DMD: variants seen among roughly 807,000 people sequenced by gnomAD.
The protein encoded by DMD is dystrophin.
DMD carries 63 observed loss-of-function variants against 330.1 expected under a neutral mutation model. That is an observed-to-expected ratio of 0.19 (90% CI 0.16 to 0.24). The LOEUF (loss-of-function observed/expected upper bound fraction) is 0.24, where lower values mean the gene tolerates loss of function less well. Ranked by LOEUF, DMD falls within the 10% of genes least tolerant of loss-of-function variation. The pLI is 1.00. For synonymous variants in DMD, 1,223 were observed against 959.8 expected (o/e 1.27, Z -5.07); for missense variants, 3,344 against 2,684.1 (o/e 1.25, Z -5.43).
intron 7 of DMD, among the ~76,000 whole-genome samples, chrX:32,744,139 C>T (rs192478617): frequency 9.1e-6 from 1 of 110,483 alleles, no homozygotes. Flanking sequence ...TACTTACAAG[C>T]TATTTCTGAA....
At chrX:31,627,913 A>AC (rs2078932254) in intron 54 of DMD, 51 bp from the exon 55 acceptor site, 1 of 1,093,007 alleles carries the variant, frequency 9.1e-7, no homozygotes, top group Admixed American at 2.4e-5. Context: ...AGAATGGTGC[A>AC]CCTAGTGAAC....
intron 9 of DMD, among the ~76,000 whole-genome samples, chrX:32,670,513 T>C (rs2061567540): frequency 9.0e-6 from 1 of 111,563 alleles, no homozygotes; most frequent in Non-Finnish European, 1.9e-5. Flanking sequence ...GTGGGAAGCT[T>C]GATTGGTGGT....
Position 32,864,655 on chromosome X carries a change from C to T in DMD, c.94-14835G>A, listed in dbSNP as rs187427822. On this transcript the variant is annotated intron_variant, in intron 2 of 78. Transcript: ENST00000357033. Reference sequence around the variant, plus strand: ...AAATTCCTATTGTTATATCATTTGACATCGGGGGTTTCATTAACTCCTCAG... The same window carrying T: ...AAATTCCTATTGTTATATCATTTGATATCGGGGGTTTCATTAACTCCTCAG... Among the ~76,000 whole-genome samples the T allele has an allele frequency of 5.5e-3, 617 of 111,343 alleles. 6 individuals are homozygous for T. The highest frequency in any genetic ancestry group is 0.019 in the African/African-American group (594 of 30,605).
chrX:32,148,894 T>C (rs2096791183), intron 44 of DMD, among the ~76,000 whole-genome samples: 1 of 111,843 alleles, frequency 8.9e-6, no homozygotes, highest in Admixed American at 9.5e-5. Context: ...TGCAGCAATT[T>C]TACCATTGCT....
At chrX:32,863,479 C>A (rs2149096112) in intron 2 of DMD, among the ~76,000 whole-genome samples, 2 of 95,061 alleles carry the variant, frequency 2.1e-5, no homozygotes, top group Non-Finnish European at 4.0e-5. Context: ...CACTGCACTC[C>A]AGCCTGGGTG....
intron 59 of DMD, among the ~76,000 whole-genome samples, chrX:31,467,071 C>T (rs193128700): frequency 3.6e-5 from 4 of 111,876 alleles, no homozygotes; most frequent in East Asian, 5.6e-4. Flanking sequence ...TGGGTTGAGA[C>T]GATGGGGTTT....
Position 32,151,936 on chromosome X carries a change from T to A in DMD, c.6438+64980A>T, listed in dbSNP as rs369688231. 4.2e-4 allele frequency among the ~76,000 whole-genome samples: 47 copies of A among 112,106 alleles called. 4 individuals are homozygous for A. The highest frequency in any genetic ancestry group is 3.5e-3 in the Admixed American group (37 of 10,513). On this transcript the variant is annotated intron_variant, in intron 44 of 78. Coordinates refer to ENST00000357033, the MANE Select transcript of DMD (RefSeq NM_004006.3). The stretch of plus-strand genomic sequence containing the variant: ...AATTCTATACTGACATAGTATCTAA[T>A]AACTGCTTCTTTATATCTTGGAGAT...
At chrX:32,011,467 C>A (rs1188934604) in intron 44 of DMD, among the ~76,000 whole-genome samples, 1 of 112,013 alleles carries the variant, frequency 8.9e-6, no homozygotes, top group African/African-American at 3.2e-5. Flanking sequence ...TGCCAATGGA[C>A]TTCTCTGGAT....
Position 32,417,539 on chromosome X carries a change from G to C in DMD, c.4072-5626C>G, listed in dbSNP as rs181289278. Among the ~76,000 whole-genome samples the C allele has an allele frequency of 6.3e-5, 7 of 110,999 alleles. No individual in the cohort carries two copies. The East Asian group carries it at 1.7e-3, about 27-fold the overall frequency. On this transcript the variant is annotated intron_variant, in intron 29 of 78. Coordinates refer to ENST00000357033, the MANE Select transcript of DMD (RefSeq NM_004006.3). Reference sequence around the variant, plus strand: ...TACTTGATAGGTAAAAAATGAATGAGAAATGATACAGTGAAGAAGGGGGGC... The same window carrying C: ...TACTTGATAGGTAAAAAATGAATGACAAATGATACAGTGAAGAAGGGGGGC...
chrX:32,351,185 G>A (rs2097780574), intron 37 of DMD, among the ~76,000 whole-genome samples: 1 of 110,654 alleles, frequency 9.0e-6, no homozygotes, highest in African/African-American at 3.3e-5. Context: ...ATAAATACAT[G>A]CTCTATAAAT....
intron 1 of DMD, among the ~76,000 whole-genome samples, chrX:33,123,183 C>T (rs1049952179): frequency 3.6e-5 from 4 of 111,781 alleles, no homozygotes; most frequent in South Asian, 3.7e-4. Flanking sequence ...GTCTGCACTA[C>T]GCTATACCAC....
chrX:31,422,043 A>ATGTTT (rs1556630715), intron 60 of DMD, among the ~76,000 whole-genome samples: 1 of 28,759 alleles, frequency 3.5e-5, no homozygotes, highest in African/African-American at 6.8e-5. Flanking sequence ...ATATATATAT[A>ATGTTT]TTTTTTTTTT....
Position 32,258,998 on chromosome X carries a change from T to A in DMD, c.6290+28531A>T, listed in dbSNP as rs147301532. On this transcript the variant is annotated intron_variant, in intron 43 of 78. Transcript: ENST00000357033. ...CTACAAATTGTGGACTCACATGGCATCATATCTGATATAAATAATAGTTTA... is the reference window on the plus strand; with the variant it reads ...CTACAAATTGTGGACTCACATGGCAACATATCTGATATAAATAATAGTTTA... Among the ~76,000 whole-genome samples the A allele has an allele frequency of 5.9e-3, 655 of 111,048 alleles. 7 individuals carry two copies. The highest frequency in any genetic ancestry group is 0.02 in the African/African-American group (624 of 30,631).
intron 16 of DMD, among the ~76,000 whole-genome samples, chrX:32,564,004 A>C (rs186590418): frequency 9.0e-6 from 1 of 111,361 alleles, no homozygotes; most frequent in East Asian, 2.8e-4. Context: ...CTGCTCATCT[A>C]CTTCCTCCCA....
chrX:31,228,779 AC>A (rs1201881581), intron 63 of DMD, among the ~76,000 whole-genome samples: 1 of 111,756 alleles, frequency 8.9e-6, no homozygotes, highest in East Asian at 2.8e-4. Context: ...TATCCAAGAA[AC>A]CAGTTACGCC....
chrX:32,460,965 AT>A (rs1172225801), intron 25 of DMD, among the ~76,000 whole-genome samples: 2 of 111,594 alleles, frequency 1.8e-5, no homozygotes, highest in African/African-American at 3.3e-5. Context: ...ATATCTGATC[AT>A]TTTTTTAGAA....
intron 44 of DMD, among the ~76,000 whole-genome samples, chrX:32,060,007 T>A (rs1052554180): frequency 2.7e-5 from 3 of 111,363 alleles, no homozygotes; most frequent in Non-Finnish European, 3.8e-5. Flanking sequence ...AGTAGTTTGT[T>A]ATTTGTCTTC....
At position 33,189,371 on chromosome X, in the gene DMD, T is replaced by C. The variant is rs192272406; in HGVS notation, c.31+21911A>G. Reference sequence around the variant, plus strand: ...ACACTGATAAACATGCCAAGATATTTGTATTCTCATATTAAAGTAAATAAA... The same window carrying C: ...ACACTGATAAACATGCCAAGATATTCGTATTCTCATATTAAAGTAAATAAA... On this transcript the variant is annotated intron_variant, in intron 1 of 78. Transcript: ENST00000357033. Among the ~76,000 whole-genome samples, 3 of 111,417 alleles carry C rather than the reference T, an allele frequency of 2.7e-5. No homozygotes were observed. The Admixed American group carries it at 2.9e-4, about 11-fold the overall frequency.
chrX:31,388,158 C>A (rs1011526813), intron 60 of DMD, among the ~76,000 whole-genome samples: 9 of 108,844 alleles, frequency 8.3e-5, no homozygotes, highest in Non-Finnish European at 1.3e-4. Flanking sequence ...CACCACCAAG[C>A]CCGGCTAATT....
Sources: allele counts gnomAD v4.1 joint callset (sites outside exome capture counted in the v4.1 genomes callset), GRCh38; gene constraint gnomAD v4.1.1; transcripts MANE v1.5; gene names NCBI Gene and HGNC (gene_info 2026-07-23, HGNC 2026-07-21).